The following KLF12 variants were observed in gnomAD, a reference collection of about 807,000 sequenced individuals.
KLF12 encodes the protein KLF transcription factor 12.
In KLF12, 9 loss-of-function variants were observed where a neutral mutation model predicts 37.8. The observed-to-expected ratio is 0.24, with a 90% CI of 0.14 to 0.42. KLF12 has a LOEUF of 0.42. Among genes scored for constraint, KLF12 ranks in the 10% least tolerant of loss-of-function variants. KLF12 has a pLI of 1.00. For missense variants in KLF12, 411 were observed against 516.0 expected, an observed-to-expected ratio of 0.80 and a Z score of 1.97; for synonymous variants, 208 against 202.1, an observed-to-expected ratio of 1.03 and a Z score of -0.25.
chr13:74,037,755 C>T (rs1304030812), intron 1 of KLF12, among the ~76,000 whole-genome samples: 1 of 152,034 alleles, frequency 6.6e-6, no homozygotes, highest in African/African-American at 2.4e-5. Flanking sequence ...TTTTTTTAAA[C>T]AGAAAATGTG....
chr13:74,279,169 G>A, the KLF12 span, among the ~76,000 whole-genome samples: 1 of 151,948 alleles, frequency 6.6e-6, no homozygotes. Context: ...ATCCCCTGGG[G>A]GAGAGTCTCT....
chr13:74,251,045 G>A, the KLF12 span, among the ~76,000 whole-genome samples: 1 of 152,146 alleles, frequency 6.6e-6, no homozygotes, highest in Non-Finnish European at 1.5e-5. Context: ...CAAGTTTAAT[G>A]AAAGCTTCAT....
chr13:73,961,563 G>C (rs1042100582), intron 2 of KLF12, among the ~76,000 whole-genome samples: 1 of 152,096 alleles, frequency 6.6e-6, no homozygotes, highest in African/African-American at 2.4e-5. Flanking sequence ...ACTCAGAGTG[G>C]ACAACTCTAG....
At chr13:73,913,322 C>T (rs1255651501) in intron 3 of KLF12, among the ~76,000 whole-genome samples, 1 of 152,192 alleles carries the variant, frequency 6.6e-6, no homozygotes, top group Non-Finnish European at 1.5e-5. Context: ...AATCCTTCCA[C>T]ATGTAAATCT....
chr13:74,270,429 G>A, the KLF12 span, among the ~76,000 whole-genome samples: 1 of 152,162 alleles, frequency 6.6e-6, no homozygotes, highest in African/African-American at 2.4e-5. Context: ...ATGCTACATA[G>A]AGAAACCTCA....
chr13:73,999,223 A>G (rs1382545484), intron 1 of KLF12, among the ~76,000 whole-genome samples: 1 of 152,226 alleles, frequency 6.6e-6, no homozygotes, highest in Non-Finnish European at 1.5e-5. Context: ...TTAAAAAGTG[A>G]TAACAGACAT....
chr13:74,221,888 C>G, the KLF12 span, among the ~76,000 whole-genome samples: 28 of 152,256 alleles, frequency 1.8e-4, no homozygotes, highest in African/African-American at 5.1e-4. Flanking sequence ...GCAGATCATA[C>G]AGGCAAGAAG....
the KLF12 span, among the ~76,000 whole-genome samples, chr13:74,172,506 C>T: frequency 9.8e-5 from 15 of 152,318 alleles, no homozygotes; most frequent in Admixed American, 2.6e-4. Flanking sequence ...TGGCTGTTAA[C>T]GCCCCTGTAG....
intron 5 of KLF12, among the ~76,000 whole-genome samples, chr13:73,808,113 T>C (rs1164474940): frequency 6.6e-6 from 1 of 152,156 alleles, no homozygotes. Flanking sequence ...TTACCTCTCT[T>C]TCTCCAAACA....
At chr13:73,812,913 G>A (rs1220312882) in intron 5 of KLF12, 1 of 441,216 alleles carries the variant, frequency 2.3e-6, no homozygotes, top group African/African-American at 2.0e-5. Context: ...GGTGCAGGAG[G>A]TATTAGAAAA....
intron 3 of KLF12, among the ~76,000 whole-genome samples, chr13:73,889,200 T>C (rs146145454): frequency 6.6e-6 from 1 of 152,308 alleles, no homozygotes; most frequent in South Asian, 2.1e-4. Context: ...AGAAGATATA[T>C]GTACATATAA....
At chr13:74,129,332 C>G (rs549417892) in intron 1 of KLF12, among the ~76,000 whole-genome samples, 2 of 152,010 alleles carry the variant, frequency 1.3e-5, no homozygotes, top group Non-Finnish European at 2.9e-5. Context: ...GCAGAACCCA[C>G]GAATAAAGAG....
At chr13:73,877,373 T>C (rs183029732) in intron 3 of KLF12, among the ~76,000 whole-genome samples, 2 of 152,316 alleles carry the variant, frequency 1.3e-5, no homozygotes, top group Admixed American at 1.3e-4. Context: ...TCATTTTGGG[T>C]TCTATTTTTA....
chr13:74,184,694 T>C, the KLF12 span, among the ~76,000 whole-genome samples: 1 of 152,230 alleles, frequency 6.6e-6, no homozygotes, highest in Non-Finnish European at 1.5e-5. Context: ...CAGTAGGCTA[T>C]ATGGGTTGCA....
At chr13:73,916,239 ACG>A (rs1491289081) in intron 3 of KLF12, among the ~76,000 whole-genome samples, 1,757 of 69,908 alleles carry the variant, frequency 0.025, 23 homozygotes, top group Admixed American at 0.085. Context: ...ACACACACAC[ACG>A]CACACGCACA....
intron 1 of KLF12, among the ~76,000 whole-genome samples, chr13:74,002,462 C>A (rs1468768281): frequency 6.6e-6 from 1 of 152,170 alleles, no homozygotes; most frequent in Non-Finnish European, 1.5e-5. Context: ...GCAGCCTCGA[C>A]CACCCCAGAC....
the KLF12 span, among the ~76,000 whole-genome samples, chr13:74,191,356 T>C: frequency 6.6e-6 from 1 of 152,230 alleles, no homozygotes; most frequent in African/African-American, 2.4e-5. Context: ...TGACCACTCT[T>C]AGCATCATAA....
upstream of KLF12, among the ~76,000 whole-genome samples, chr13:74,134,873 G>A (rs1054797835): frequency 5.3e-5 from 8 of 152,170 alleles, no homozygotes; most frequent in African/African-American, 1.9e-4. Context: ...GCAGTGGAGG[G>A]AGGGGGCTGT....
At chr13:73,914,821 T>TC (rs2139175265) in intron 3 of KLF12, among the ~76,000 whole-genome samples, 1 of 152,328 alleles carries the variant, frequency 6.6e-6, no homozygotes, top group East Asian at 1.9e-4. Flanking sequence ...TCTTTTTTTT[T>TC]CCTTTTGGGA....
Sources: gnomAD v4.1 joint callset for allele counts (sites outside exome capture counted in the v4.1 genomes callset) on GRCh38, gnomAD v4.1.1 for gene constraint, MANE v1.5 for transcripts, NCBI Gene and HGNC (gene_info 2026-07-23, HGNC 2026-07-21) for gene names.